The following KIFC3 variants were observed in gnomAD, a reference collection of about 807,000 sequenced individuals.
KIFC3 encodes the protein kinesin family member C3.
A neutral mutation model predicts 101.8 loss-of-function variants in KIFC3; 60 were observed. The observed-to-expected ratio is 0.59, with a 90% CI of 0.48 to 0.73. The LOEUF (loss-of-function observed/expected upper bound fraction) is 0.73. Among genes scored for constraint, KIFC3 ranks in the 30% least tolerant of loss-of-function variants. The pLI, the probability that KIFC3 is intolerant of heterozygous loss-of-function variation, is 0.00. For synonymous variants in KIFC3, 476 were observed against 482.7 expected, an observed-to-expected ratio of 0.99 and a Z score of 0.18; for missense variants, 966 against 1,137.1, an observed-to-expected ratio of 0.85 and a Z score of 2.16.
intron 17 of KIFC3, 88 bp downstream of exon 17, chr16:57,760,194 G>A (rs2049668622): frequency 6.8e-7 from 1 of 1,474,774 alleles, no homozygotes; most frequent in Non-Finnish European, 9.1e-7. Context: ...ACTGCTTCAG[G>A]ACGTCCCCGC....
chr16:57,775,823 G>A, intron 3 of KIFC3: 3 of 985,614 alleles, frequency 3.0e-6, no homozygotes, highest in East Asian at 1.1e-4. Flanking sequence ...CAGCATGGAC[G>A]TCAATCCAGG....
Position 57,812,560 on chromosome 16 carries a change from G to A in KIFC3, c.109-14278C>T, listed in dbSNP as rs575571722. On this transcript the variant is annotated intron_variant, in intron 1 of 2. Transcript: ENST00000563028. ...GATGGGGCCCTGGCCTTTGGTGCTT[G>A]CCTTCCTCAGAGCGGAAAGAGCCAT... 2.6e-5 allele frequency among the ~76,000 whole-genome samples: 4 copies of A among 152,286 alleles called. No individual in the cohort carries two copies. The South Asian group carries it at 8.3e-4, about 32-fold the overall frequency.
At chr16:57,763,906 T>TC (rs1437954932) in intron 12 of KIFC3, among the ~76,000 whole-genome samples, 8 of 151,972 alleles carry the variant, frequency 5.3e-5, no homozygotes, top group South Asian at 2.1e-4. Flanking sequence ...GTGATGATAG[T>TC]CCCCCCTTGC....
chr16:57,781,625 G>C (rs1487891732), intron 3 of KIFC3, among the ~76,000 whole-genome samples: 1 of 152,226 alleles, frequency 6.6e-6, no homozygotes, highest in Non-Finnish European at 1.5e-5. Context: ...CAGCAATGAG[G>C]AGGTCTGAGA....
At position 57,761,148 on chromosome 16, in the gene KIFC3, A is replaced by G; in HGVS notation, c.1896T>C (p.Asn632=). ...INKVFEFGHT[N]RTTEFTNLNE... Reference sequence around the variant, plus strand: ...TCAGGTTGGTGAACTCGGTCGTGCGATTAGTGTGGCCAAACTCAAACACCT... The same window carrying G: ...TCAGGTTGGTGAACTCGGTCGTGCGGTTAGTGTGGCCAAACTCAAACACCT... The change falls in exon 15 of 20, where the codon AAT becomes AAC. Residue 632 remains asparagine (N), a synonymous_variant. Transcript: ENST00000445690. 6.2e-7 allele frequency: 1 copy of G among 1,613,940 alleles called. No homozygotes were observed. The highest frequency in any genetic ancestry group is 8.5e-7 in the Non-Finnish European group (1 of 1,179,964).
At chr16:57,848,076 A>G (rs1295896010) in intron 1 of KIFC3, among the ~76,000 whole-genome samples, 2 of 152,218 alleles carry the variant, frequency 1.3e-5, no homozygotes, top group African/African-American at 4.8e-5. Flanking sequence ...GTGGGCCACC[A>G]TGCTTGGCCT....
rs185011093 is a variant in KIFC3 at position 57,782,776 on chromosome 16, T to C, written c.316-10488A>G. Among the ~76,000 whole-genome samples, 643 of 152,266 alleles carry C rather than the reference T, an allele frequency of 4.2e-3. 3 individuals are homozygous for C. Among genetic ancestry groups the C allele is most frequent in the South Asian group, 7.3e-3 (35 of 4,822 alleles). On this transcript the variant is annotated intron_variant, in intron 3 of 19. Coordinates refer to ENST00000445690, the MANE Select transcript of KIFC3 (RefSeq NM_001130100.2). ...CTGAACAACATGGTGAAACCCCGTC[T>C]CTACTGAAAAATACAAACAATTAGC...
At chr16:57,816,192 C>T (rs1555628747) in intron 1 of KIFC3, 1 of 1,276,244 alleles carries the variant, frequency 7.8e-7, no homozygotes, top group Admixed American at 2.4e-5. Flanking sequence ...AATAGTTCAT[C>T]AAGTTCTCAC....
chr16:57,834,492 C>A (rs2149301062), intron 1 of KIFC3, among the ~76,000 whole-genome samples: 1 of 151,912 alleles, frequency 6.6e-6, no homozygotes, highest in Admixed American at 6.6e-5. Context: ...ATAAAAATAC[C>A]TTTAAATTTT....
intron 3 of KIFC3, chr16:57,775,261 G>T (rs868915624): frequency 1.5e-6 from 2 of 1,299,976 alleles, no homozygotes; most frequent in Non-Finnish European, 2.0e-6. Context: ...GGCTCTAAAG[G>T]CCCCTTTGTT....
intron 1 of KIFC3, among the ~76,000 whole-genome samples, chr16:57,853,628 T>C (rs750871640): frequency 2.0e-5 from 3 of 152,054 alleles, no homozygotes; most frequent in Non-Finnish European, 4.4e-5. Flanking sequence ...TAGTTTTTAA[T>C]TTTGCTTATT....
intron 1 of KIFC3, among the ~76,000 whole-genome samples, chr16:57,861,438 C>T (rs755307588): frequency 6.6e-6 from 1 of 152,164 alleles, no homozygotes; most frequent in Non-Finnish European, 1.5e-5. Flanking sequence ...AATGTCTTTC[C>T]TTCTCTCACT....
At chr16:57,850,741 G>A (rs1054769682) in intron 1 of KIFC3, among the ~76,000 whole-genome samples, 4 of 151,944 alleles carry the variant, frequency 2.6e-5, no homozygotes, top group Admixed American at 2.6e-4. Context: ...CTCCCAAAGT[G>A]CTAGTATTAC....
intron 10 of KIFC3, 45 bp downstream of exon 10, chr16:57,766,829 G>C (rs374506187): frequency 2.8e-6 from 4 of 1,416,094 alleles, no homozygotes; most frequent in Admixed American, 3.4e-5. Flanking sequence ...AAGCCAGGTC[G>C]AGGACCCCGA....
At chr16:57,760,452 A>T in intron 16 of KIFC3, 36 bp from the exon 17 acceptor site, 2 of 1,601,064 alleles carry the variant, frequency 1.2e-6, no homozygotes, top group South Asian at 2.2e-5. Flanking sequence ...CACCCGGGCC[A>T]GCTGGAGGGG....
chr16:57,817,185 C>G (rs1007048042), intron 1 of KIFC3, among the ~76,000 whole-genome samples: 14 of 152,054 alleles, frequency 9.2e-5, no homozygotes, highest in African/African-American at 2.2e-4. Context: ...ATGGCGAAAC[C>G]CTGTCTCTAC....
Position 57,760,708 on chromosome 16 carries a change from C to T in KIFC3, c.2232+18G>A. ...CCTACATGCTAGGGACTGGCCCGCCCTAACCCAAGGTCCTCACCTGTACCA... is the reference window on the plus strand; with the variant it reads ...CCTACATGCTAGGGACTGGCCCGCCTTAACCCAAGGTCCTCACCTGTACCA... On this transcript the variant is annotated intron_variant, in intron 16 of 19. Transcript: ENST00000445690. 6.2e-7 allele frequency: 1 copy of T among 1,609,272 alleles called. No individual in the cohort carries two copies. The highest frequency in any genetic ancestry group is 8.5e-7 in the Non-Finnish European group (1 of 1,176,230).
chr16:57,767,338 G>A (rs781963834), intron 9 of KIFC3, among the ~76,000 whole-genome samples: 1 of 152,106 alleles, frequency 6.6e-6, no homozygotes, highest in Non-Finnish European at 1.5e-5. Context: ...TGAGACCACT[G>A]GCTCAATGTC....
At position 57,771,633 on chromosome 16, in the gene KIFC3, T is replaced by C. The variant is rs782532053; in HGVS notation, c.435A>G (p.Arg145=). 1 of 1,613,258 alleles carries C rather than the reference T, an allele frequency of 6.2e-7. No homozygotes were observed. Among genetic ancestry groups the C allele is most frequent in the South Asian group, 1.1e-5 (1 of 91,050 alleles). The part of the protein sequence containing the change: ...HRDLLMVENE[R]LRQEMRRCEA... Reference sequence around the variant, plus strand: ...CACAGCGCCGCATCTCCTGCCTCAGTCGCTCATTCTCCACCATCAGCAGGT... The same window carrying C: ...CACAGCGCCGCATCTCCTGCCTCAGCCGCTCATTCTCCACCATCAGCAGGT... Residue 145 remains arginine, a synonymous_variant, in exon 5 of 20, where the codon CGA becomes CGG. Coordinates refer to ENST00000445690, the MANE Select transcript of KIFC3 (RefSeq NM_001130100.2).
Sources: allele counts gnomAD v4.1 joint callset (sites outside exome capture counted in the v4.1 genomes callset), GRCh38; gene constraint gnomAD v4.1.1; transcripts MANE v1.5; gene names NCBI Gene and HGNC (gene_info 2026-07-23, HGNC 2026-07-21).